Variants in TMC2 observed in about 807,000 individuals in gnomAD.
TMC2 encodes the protein transmembrane channel-like protein 2.
In TMC2, 102 loss-of-function variants were observed where a neutral mutation model predicts 105.9. The observed-to-expected ratio is 0.96, with a 90% CI of 0.82 to 1.14. TMC2 has a LOEUF of 1.14. TMC2 is among the 50% of genes most tolerant of loss of function. The pLI is 0.00. For synonymous variants in TMC2, 402 were observed against 422.8 expected, an observed-to-expected ratio of 0.95 and a Z score of 0.60; for missense variants, 1,093 against 1,134.3, an observed-to-expected ratio of 0.96 and a Z score of 0.52.
At chr20:2,632,720 G>A (rs906022971) in intron 17 of TMC2, among the ~76,000 whole-genome samples, 3 of 152,040 alleles carry the variant, frequency 2.0e-5, no homozygotes, top group African/African-American at 7.2e-5. Flanking sequence ...CTCCCGAGTA[G>A]CTGGGATTAC....
chr20:2,566,755 G>A (rs908502893), intron 4 of TMC2, among the ~76,000 whole-genome samples: 31 of 152,138 alleles, frequency 2.0e-4, no homozygotes, highest in Admixed American at 2.0e-3. Flanking sequence ...GGATGACCAG[G>A]GCATTGAGTT....
chr20:2,602,231 T>C lies in TMC2; in HGVS notation c.1343T>C (p.Ile448Thr), dbSNP rs760105851. The stretch of plus-strand genomic sequence containing the variant: ...TGTTTGTGTGGAAGTGGGTACCTCA[T>C]TTACTTTGTGGTTAAGCGATCTCAG... ...ICCLCGSGYL[I>T]YFVVKRSQQF... is the part of the protein sequence containing the mutation. Residue 448 changes from isoleucine to threonine, a missense_variant, in exon 11 of 20, where the codon ATT (isoleucine) becomes ACT (threonine). Transcript: ENST00000358864. The C allele has an allele frequency of 6.2e-7, 1 of 1,613,568 alleles. No homozygotes were observed. Among genetic ancestry groups the C allele is most frequent in the Admixed American group, 1.7e-5 (1 of 59,900 alleles).
chr20:2,606,001 C>G (rs1314656942), intron 11 of TMC2, among the ~76,000 whole-genome samples: 1 of 152,146 alleles, frequency 6.6e-6, no homozygotes, highest in Non-Finnish European at 1.5e-5. Context: ...CTGGCAGAAC[C>G]AAGCTTAGAG....
In TMC2 at chr20:2,558,319, G is replaced by A; in HGVS notation, c.83-137G>A. On this transcript the variant is annotated intron_variant, in intron 2 of 19. Transcript: ENST00000358864. This position sits in a 1 kb window ranked among gnomAD's most constrained non-coding sequence, Gnocchi z 4.6. Reference sequence around the variant, plus strand: ...TCAACATGCCAAGGTGCCATACTTTGGGGTGTCCTGTTCTGAGCCCCGCAG... The same window carrying A: ...TCAACATGCCAAGGTGCCATACTTTAGGGTGTCCTGTTCTGAGCCCCGCAG... The A allele has an allele frequency of 6.9e-7, 1 of 1,459,076 alleles. No homozygotes were observed. Among genetic ancestry groups the A allele is most frequent in the Non-Finnish European group, 9.1e-7 (1 of 1,104,816 alleles). The allele number at this position is 1,459,076 out of a possible 1,614,324, so 90.4% of individuals were successfully genotyped here.
At chr20:2,640,982 G>A (rs902037661) in intron 19 of TMC2, 152 bp from the exon 20 acceptor site, 6 of 661,312 alleles carry the variant, frequency 9.1e-6, no homozygotes, top group Non-Finnish European at 1.3e-5. Context: ...CCAGGCCAAG[G>A]TGACCCCGAG....
At chr20:2,576,187 T>A (rs1281087133) in intron 5 of TMC2, among the ~76,000 whole-genome samples, 1 of 152,210 alleles carries the variant, frequency 6.6e-6, no homozygotes, top group Non-Finnish European at 1.5e-5. Context: ...TGAAACTTTT[T>A]TCCTATGTAT....
rs942415625 is a variant in TMC2, at chr20:2,537,459, G to A, written c.82+143G>A. On this transcript the variant is annotated intron_variant, in intron 2 of 19. Coordinates refer to ENST00000358864, the MANE Select transcript of TMC2 (RefSeq NM_080751.3). ...ACCCTGCATGGAGCCTTCCTGGGAG[G>A]CAAGGTGTTTAACATGGGAGGGGGC... is the stretch of plus-strand genomic sequence containing the variant. 6.6e-6 allele frequency: 5 copies of A among 753,116 alleles called. No homozygotes were observed. The South Asian group carries it at 7.7e-5, about 12-fold the overall frequency. 46.7% of individuals were successfully genotyped at this position (753,116 alleles called of 1,614,324 possible). A position where few individuals can be genotyped will look rare whatever the true frequency, so the allele number is the denominator to read the frequency against.
chr20:2,551,412 T>A (rs909664287), intron 2 of TMC2, among the ~76,000 whole-genome samples: 14 of 151,564 alleles, frequency 9.2e-5, no homozygotes, highest in South Asian at 2.1e-4. Context: ...TTTTTTTTTT[T>A]AATTCTCTTC....
intron 5 of TMC2, among the ~76,000 whole-genome samples, chr20:2,578,026 A>G (rs1232105470): frequency 6.6e-6 from 1 of 152,166 alleles, no homozygotes; most frequent in Non-Finnish European, 1.5e-5. Flanking sequence ...AGACCTTTTA[A>G]TAATAGGAAC....
intron 19 of TMC2, among the ~76,000 whole-genome samples, chr20:2,638,165 C>A (rs2086662386): frequency 6.6e-6 from 1 of 151,740 alleles, no homozygotes; most frequent in African/African-American, 2.4e-5. Context: ...CACGGTGAAA[C>A]CCTATCTCTA....
At chr20:2,605,577 C>G (rs564725592) in intron 11 of TMC2, among the ~76,000 whole-genome samples, 1 of 152,280 alleles carries the variant, frequency 6.6e-6, no homozygotes, top group East Asian at 1.9e-4. Context: ...ACCTTAATTA[C>G]CTCCTTAAAG....
intron 17 of TMC2, among the ~76,000 whole-genome samples, chr20:2,628,939 A>G (rs2086583151): frequency 1.3e-5 from 2 of 151,780 alleles, no homozygotes; most frequent in Admixed American, 6.6e-5. Flanking sequence ...CGTCTCTACT[A>G]AAAACACAAA....
rs2086547221 is a variant in TMC2 at position 2,624,167 on chromosome 20, G to A, written c.2181-104G>A. The A allele has an allele frequency of 1.0e-5, 13 of 1,263,346 alleles. No homozygotes were observed. The South Asian group carries it at 1.7e-4, about 17-fold the overall frequency. 78.3% of individuals were successfully genotyped at this position (1,263,346 alleles called of 1,614,324 possible). A position where few individuals can be genotyped will look rare whatever the true frequency, so the allele number is the denominator to read the frequency against. On this transcript the variant is annotated intron_variant, in intron 16 of 19. Transcript: ENST00000358864. ...GAGCTCTGGTTCTTCCAGGAAAGCA[G>A]TGGCAGGCAGCAGCCCTGGACCTGG...
At chr20:2,624,552 G>T (rs963092330) in intron 17 of TMC2, among the ~76,000 whole-genome samples, 156 bp downstream of exon 17, 1 of 152,182 alleles carries the variant, frequency 6.6e-6, no homozygotes, top group Non-Finnish European at 1.5e-5. Context: ...TATTAGGGAG[G>T]GGGTGAGGAC....
At chr20:2,568,510 A>G (rs2086079931) in intron 4 of TMC2, among the ~76,000 whole-genome samples, 1 of 152,170 alleles carries the variant, frequency 6.6e-6, no homozygotes, top group African/African-American at 2.4e-5. Context: ...AGAGAAGAGA[A>G]GCGTTTGCTG....
At chr20:2,568,255 G>GA (rs1163996379) in intron 4 of TMC2, among the ~76,000 whole-genome samples, 2 of 151,976 alleles carry the variant, frequency 1.3e-5, no homozygotes, top group Non-Finnish European at 2.9e-5. Context: ...CACCTACAGG[G>GA]AAAAAAACAC....
intron 4 of TMC2, among the ~76,000 whole-genome samples, chr20:2,571,389 A>G (rs1386587325): frequency 6.6e-6 from 1 of 152,234 alleles, no homozygotes; most frequent in Non-Finnish European, 1.5e-5. Flanking sequence ...TCCAACAAAC[A>G]TATGAGAAAA....
intron 6 of TMC2, among the ~76,000 whole-genome samples, chr20:2,579,669 C>A (rs902240485): frequency 1.3e-5 from 2 of 152,010 alleles, no homozygotes; most frequent in Admixed American, 1.3e-4. Context: ...AGTGATCCAC[C>A]CACCTTAGCC....
At chr20:2,584,175 T>C (rs1489850436) in intron 7 of TMC2, among the ~76,000 whole-genome samples, 1 of 152,122 alleles carries the variant, frequency 6.6e-6, no homozygotes, top group Non-Finnish European at 1.5e-5. Context: ...CCGGGCGCGG[T>C]GGCTCACGCC....
Sources: allele counts gnomAD v4.1 joint callset (sites outside exome capture counted in the v4.1 genomes callset), GRCh38; gene constraint gnomAD v4.1.1; non-coding constraint Gnocchi (gnomAD v3.1); transcripts MANE v1.5; gene names NCBI Gene and HGNC (gene_info 2026-07-23, HGNC 2026-07-21).